The following LAMA2 variants were observed in gnomAD, a reference collection of about 807,000 sequenced individuals.
LAMA2 encodes laminin subunit alpha-2.
Under a neutral mutation model 364.8 loss-of-function variants are expected in LAMA2, and 269 were observed. That is an observed-to-expected ratio of 0.74 (90% confidence interval 0.67 to 0.82). The LOEUF (loss-of-function observed/expected upper bound fraction) is 0.82. Ranked by LOEUF, LAMA2 falls within the 40% of genes least tolerant of loss-of-function variation. LAMA2 has a pLI of 0.00. For missense variants in LAMA2, 3,807 were observed against 3,873.2 expected (o/e 0.98, Z 0.45); for synonymous variants, 1,379 against 1,370.6 (o/e 1.01, Z -0.14).
chr6:129,102,123 T>C (rs1775550444), intron 4 of LAMA2, among the ~76,000 whole-genome samples: 2 of 146,524 alleles, frequency 1.4e-5, no homozygotes, highest in African/African-American at 5.3e-5. Context: ...TCTTTTTTTC[T>C]TTCTTTCTTT....
At chr6:129,065,147 G>C (rs1252222504) in intron 3 of LAMA2, among the ~76,000 whole-genome samples, 1 of 152,060 alleles carries the variant, frequency 6.6e-6, no homozygotes, top group South Asian at 2.1e-4. Flanking sequence ...TAGAATGAAG[G>C]ACAAAAATCA....
chr6:129,131,636 A>T (rs557218484), intron 4 of LAMA2, among the ~76,000 whole-genome samples: 2 of 152,306 alleles, frequency 1.3e-5, no homozygotes, highest in Admixed American at 6.5e-5. Context: ...TGCTGTACAG[A>T]TGTCGAGGTG....
intron 18 of LAMA2, among the ~76,000 whole-genome samples, chr6:129,284,696 G>A (rs1334398168): frequency 1.3e-5 from 2 of 151,920 alleles, no homozygotes; most frequent in East Asian, 1.9e-4. Context: ...TCATCAGTGT[G>A]GTTGCTTTCT....
At chr6:129,367,230 A>T (rs376771742) in intron 33 of LAMA2, among the ~76,000 whole-genome samples, 1 of 152,232 alleles carries the variant, frequency 6.6e-6, no homozygotes, top group African/African-American at 2.4e-5. Flanking sequence ...ATGGAAAAAG[A>T]TGAAAGGTGT....
At chr6:129,390,773 C>T (rs373038250) in intron 35 of LAMA2, among the ~76,000 whole-genome samples, 1 of 152,076 alleles carries the variant, frequency 6.6e-6, no homozygotes, top group East Asian at 1.9e-4. Context: ...GAACATCAGC[C>T]TATAAAGCAG....
chr6:128,918,366 T>C (rs1013858504), intron 1 of LAMA2, among the ~76,000 whole-genome samples: 1 of 152,204 alleles, frequency 6.6e-6, no homozygotes, highest in Non-Finnish European at 1.5e-5. Flanking sequence ...ATGCCATTCA[T>C]GGTTGTGTTT....
At chr6:129,454,357 A>G in intron 47 of LAMA2, 69 bp downstream of exon 47, 1 of 1,256,840 alleles carries the variant, frequency 8.0e-7, no homozygotes, top group South Asian at 1.3e-5. Flanking sequence ...AGTTTATAAG[A>G]AAACTCCTAT....
intron 6 of LAMA2, 25 bp from the exon 7 acceptor site, chr6:129,148,954 G>A: frequency 6.7e-7 from 1 of 1,499,336 alleles, no homozygotes; most frequent in Non-Finnish European, 9.3e-7. Flanking sequence ...GCTAAAATTT[G>A]TGCTTCCTCC....
intron 12 of LAMA2, among the ~76,000 whole-genome samples, chr6:129,236,208 G>C (rs1408782477): frequency 6.6e-6 from 1 of 152,144 alleles, no homozygotes. Flanking sequence ...AATTTGCACA[G>C]TAGAGACGAT....
chr6:129,242,245 A>G (rs1785439635), intron 12 of LAMA2, among the ~76,000 whole-genome samples: 1 of 152,142 alleles, frequency 6.6e-6, no homozygotes, highest in Non-Finnish European at 1.5e-5. Context: ...AATATCCTTA[A>G]AGACAAAATC....
chr6:129,196,374 T>C (rs896503281), intron 12 of LAMA2, among the ~76,000 whole-genome samples: 16 of 151,190 alleles, frequency 1.1e-4, no homozygotes, highest in Admixed American at 1.1e-3. Context: ...GTAGATCTCA[T>C]CATATAAAAG....
chr6:129,401,104 TTC>T, intron 37 of LAMA2, 118 bp from the exon 38 acceptor site: 2 of 779,690 alleles, frequency 2.6e-6, no homozygotes, highest in South Asian at 1.4e-5. Context: ...CTAGCCACAT[TTC>T]AACATGATGT....
chr6:129,036,432 G>A (rs1454197297), intron 1 of LAMA2, among the ~76,000 whole-genome samples: 1 of 151,834 alleles, frequency 6.6e-6, no homozygotes, highest in East Asian at 1.9e-4. Flanking sequence ...CTTTTATTTG[G>A]GTATCTACTA....
At chr6:129,153,709 A>G (rs1374462607) in intron 7 of LAMA2, among the ~76,000 whole-genome samples, 2 of 152,224 alleles carry the variant, frequency 1.3e-5, no homozygotes, top group Non-Finnish European at 2.9e-5. Context: ...CAGTAGCAAC[A>G]AATATGGAGC....
At chr6:129,345,708 G>T (rs538231557) in intron 30 of LAMA2, among the ~76,000 whole-genome samples, 4 of 150,704 alleles carry the variant, frequency 2.7e-5, no homozygotes, top group African/African-American at 9.8e-5. Flanking sequence ...CTAAATATAT[G>T]TATTATACAC....
intron 3 of LAMA2, among the ~76,000 whole-genome samples, chr6:129,087,750 G>A (rs1774465811): frequency 6.6e-6 from 1 of 151,824 alleles, no homozygotes; most frequent in South Asian, 2.1e-4. Flanking sequence ...GGACTACAAG[G>A]GATCAAGTAG....
At chr6:129,382,658 G>T (rs994158347) in intron 34 of LAMA2, among the ~76,000 whole-genome samples, 2 of 152,012 alleles carry the variant, frequency 1.3e-5, no homozygotes, top group South Asian at 4.1e-4. Context: ...TTTAATTAAC[G>T]TATTGATCTA....
intron 44 of LAMA2, among the ~76,000 whole-genome samples, chr6:129,443,957 A>G (rs372806024): frequency 6.6e-6 from 1 of 152,202 alleles, no homozygotes; most frequent in Non-Finnish European, 1.5e-5. Context: ...AGAATGAAAA[A>G]GATGGAAAAA....
chr6:128,924,801 T>C (rs1778983560), intron 1 of LAMA2, among the ~76,000 whole-genome samples: 1 of 152,242 alleles, frequency 6.6e-6, no homozygotes, highest in Non-Finnish European at 1.5e-5. Context: ...AATTATTTTT[T>C]ACACAATTAC....
Sources: allele counts gnomAD v4.1 joint callset (sites outside exome capture counted in the v4.1 genomes callset), GRCh38; gene constraint gnomAD v4.1.1; transcripts MANE v1.5; gene names NCBI Gene and HGNC (gene_info 2026-07-23, HGNC 2026-07-21).